The following PGAM4 variants were observed in gnomAD, a reference collection of about 807,000 sequenced individuals.
PGAM4 encodes phosphoglycerate mutase 4.
Under a neutral mutation model 10.8 loss-of-function variants are expected in PGAM4, and 7 were observed. That is an observed-to-expected ratio of 0.65 (90% CI 0.37 to 1.21). PGAM4 has a LOEUF of 1.21. Among genes scored for constraint, PGAM4 ranks in the 50% most tolerant of loss-of-function variants. PGAM4 has a pLI of 0.02. For missense variants in PGAM4, 146 were observed against 214.1 expected (o/e 0.68, Z 1.98); for synonymous variants, 55 against 90.3 (o/e 0.61, Z 2.22).
Position 77,968,845 on chromosome X carries a change from C to T in PGAM4, c.*29G>A, listed in dbSNP as rs1557229122. On this transcript the variant is annotated 3_prime_UTR_variant, in exon 1 of 1. Transcript: ENST00000458128. Reference sequence around the variant, plus strand: ...GGACAAGACCAGCAGGGAGGGTGCTCCTGGGGACAGTATCCTCCCCGCTGG... The same window carrying T: ...GGACAAGACCAGCAGGGAGGGTGCTTCTGGGGACAGTATCCTCCCCGCTGG... 2 of 1,208,235 alleles carry T rather than the reference C, an allele frequency of 1.7e-6. No individual in the cohort carries two copies. The highest frequency in any genetic ancestry group is 3.0e-5 in the East Asian group (1 of 33,755).
rs781790080 is a variant in PGAM4, at chrX:77,969,572, T to G, written c.67A>C (p.Ser23Arg). 3.3e-6 allele frequency: 4 copies of G among 1,210,555 alleles called. No homozygotes were observed. In the Admixed American group the frequency reaches 6.5e-5, roughly 20 times the overall value. ...CTCAGATCGGCGTCGTACCAGCAGC[T>G]GAAGCGGTTCTCCAGGTTCCATGTG... ...ESTWNLENRF[S>R]CWYDADLSPA... The change falls in exon 1 of 1, where the codon AGC (serine) becomes CGC (arginine). Residue 23 changes from serine to arginine, a missense_variant. Transcript: ENST00000458128.
In PGAM4 at chrX:77,969,560, C is replaced by G. The variant is rs191844393; in HGVS notation, c.79G>C (p.Asp27His). 2 of 1,211,885 alleles carry G rather than the reference C, an allele frequency of 1.7e-6. No individual in the cohort carries two copies. The highest frequency in any genetic ancestry group is 3.5e-5 in the South Asian group (2 of 57,006). ...TGGCCCGCCGGGCTCAGATCGGCGT[C>G]GTACCAGCAGCTGAAGCGGTTCTCC... ...NLENRFSCWY[D>H]ADLSPAGHEE... The change falls in exon 1 of 1, where the codon GAC becomes CAC. Residue 27 changes from aspartate (D) to histidine (H), a missense_variant. Asp to His is a moderately conservative substitution (Grantham distance 81, BLOSUM62 -1). Transcript: ENST00000458128.
Position 77,968,834 on chromosome X carries a change from G to T in PGAM4, c.*40C>A. On this transcript the variant is annotated 3_prime_UTR_variant, in exon 1 of 1. Transcript: ENST00000458128. ...GAGGGGCAGAGGGACAAGACCAGCAGGGAGGGTGCTCCTGGGGACAGTATC... is the reference window on the plus strand; with the variant it reads ...GAGGGGCAGAGGGACAAGACCAGCATGGAGGGTGCTCCTGGGGACAGTATC... The T allele has an allele frequency of 8.3e-7, 1 of 1,209,155 alleles. No individual in the cohort carries two copies. Among genetic ancestry groups the T allele is most frequent in the Non-Finnish European group, 1.1e-6 (1 of 894,587 alleles).
Position 77,969,543 on chromosome X carries a change from C to T in PGAM4, c.96G>A (p.Pro32=). 8 of 1,211,589 alleles carry T rather than the reference C, an allele frequency of 6.6e-6. No individual in the cohort carries two copies. The highest frequency in any genetic ancestry group is 1.8e-5 in the South Asian group (1 of 56,997). Reference sequence around the variant, plus strand: ...CGCGCTTCGCCTCCTCGTGGCCCGCCGGGCTCAGATCGGCGTCGTACCAGC... The same window carrying T: ...CGCGCTTCGCCTCCTCGTGGCCCGCTGGGCTCAGATCGGCGTCGTACCAGC... ...FSCWYDADLS[P]AGHEEAKRGG... is the part of the protein sequence containing the mutation. Residue 32 remains proline (P), a synonymous_variant, in exon 1 of 1, where the codon CCG becomes CCA. Transcript: ENST00000458128.
chrX:77,969,326 C>A lies in PGAM4; in HGVS notation c.313G>T (p.Ala105Ser). The change falls in exon 1 of 1, where the codon GCA becomes TCA. Residue 105 changes from alanine to serine, a missense_variant. Transcript: ENST00000458128. ...TTCACCTGGGCCTCACCATGCTTTG[C>A]AGCAGTTTCTGCTTTATTGAGACCG... is the stretch of plus-strand genomic sequence containing the variant. The part of the protein sequence containing the change: ...LTGLNKAETA[A>S]KHGEAQVKIW... 1 of 1,211,679 alleles carries A rather than the reference C, an allele frequency of 8.3e-7. No homozygotes were observed. Among genetic ancestry groups the A allele is most frequent in the Non-Finnish European group, 1.1e-6 (1 of 895,478 alleles).
rs1177553917 is a variant in PGAM4, at chrX:77,968,871, C to A, written c.*3G>T. The stretch of plus-strand genomic sequence containing the variant: ...CTGGGGACAGTATCCTCCCCGCTGG[C>A]CTTCACTTCTTGGCCTTGCCCTGGG... On this transcript the variant is annotated 3_prime_UTR_variant, in exon 1 of 1. Coordinates refer to ENST00000458128, the MANE Select transcript of PGAM4 (RefSeq NM_001029891.3). The A allele has an allele frequency of 7.4e-6, 9 of 1,208,807 alleles. No individual in the cohort carries two copies. The highest frequency in any genetic ancestry group is 1.7e-5 in the African/African-American group (1 of 57,205).
chrX:77,969,214 T>C lies in PGAM4; in HGVS notation c.425A>G (p.Tyr142Cys), dbSNP rs2077528975. 1 of 1,210,427 alleles carries C rather than the reference T, an allele frequency of 8.3e-7. No individual in the cohort carries two copies. Among genetic ancestry groups the C allele is most frequent in the Non-Finnish European group, 1.1e-6 (1 of 895,305 alleles). The stretch of plus-strand genomic sequence containing the variant: ...TAGCTGATCTTCTGTGAGGTCTGCA[T>C]ACCTGCGATCCTTACTGATGTTGCT... ...FYSNISKDRR[Y>C]ADLTEDQLPS... Residue 142 changes from tyrosine (Y) to cysteine (C), a missense_variant, in exon 1 of 1, where the codon TAT (tyrosine) becomes TGT (cysteine). Physicochemically the swap from Tyr to Cys is radical, Grantham distance 194. Transcript: ENST00000458128.
Position 77,967,970 on chromosome X carries a change from C to A in PGAM4, c.*904G>T, listed in dbSNP as rs1343491534. Among the ~76,000 whole-genome samples the A allele has an allele frequency of 1.8e-5, 2 of 110,768 alleles. No homozygotes were observed. Among genetic ancestry groups the A allele is most frequent in the African/African-American group, 3.3e-5 (1 of 30,383 alleles). ...ATACTTTTTTTTTTTAATTGCACAT[C>A]ACTCCTTTATTATACTGATCTGGTA... On this transcript the variant is annotated 3_prime_UTR_variant, in exon 1 of 1. Transcript: ENST00000458128.
Position 77,969,256 on chromosome X carries a change from G to A in PGAM4, c.383C>T (p.Pro128Leu). 2 of 1,211,655 alleles carry A rather than the reference G, an allele frequency of 1.7e-6. No individual in the cohort carries two copies. Among genetic ancestry groups the A allele is most frequent in the East Asian group, 5.9e-5 (2 of 33,834 alleles). Residue 128 changes from proline to leucine, a missense_variant, in exon 1 of 1, where the codon CCC (proline) becomes CTC (leucine). Transcript: ENST00000458128. ...SYDVPPPPME[P>L]DHPFYSNISK... ...GATGTTGCTGTAGAAAGGATGGTCG[G>A]GCTCCATCGGAGGTGGTGGGACATC...
Position 77,968,041 on chromosome X carries a change from G to T in PGAM4, c.*833C>A, listed in dbSNP as rs1410032097. ...GCTCAGATGAACACTGGGCCCATGTGGCAGGGTCAAGCAACTAGAACATGA... is the reference window on the plus strand; with the variant it reads ...GCTCAGATGAACACTGGGCCCATGTTGCAGGGTCAAGCAACTAGAACATGA... On this transcript the variant is annotated 3_prime_UTR_variant, in exon 1 of 1. Coordinates refer to ENST00000458128, the MANE Select transcript of PGAM4 (RefSeq NM_001029891.3). Among the ~76,000 whole-genome samples, 5 of 110,732 alleles carry T rather than the reference G, an allele frequency of 4.5e-5. No individual in the cohort carries two copies. The highest frequency in any genetic ancestry group is 1.3e-4 in the African/African-American group (4 of 30,417).
Position 77,968,897 on chromosome X carries a change from C to A in PGAM4, c.742G>T (p.Ala248Ser). ...CTTCACTTCTTGGCCTTGCCCTGGGCAGCCACAGCTTCTATGGCTTTGCAC... is the reference window on the plus strand; with the variant it reads ...CTTCACTTCTTGGCCTTGCCCTGGGAAGCCACAGCTTCTATGGCTTTGCAC... ...TVCKAIEAVA[A>S]QGKAKK The change falls in exon 1 of 1, where the codon GCC becomes TCC. Residue 248 changes from alanine (A) to serine (S), a missense_variant. Transcript: ENST00000458128. The A allele has an allele frequency of 8.3e-7, 1 of 1,210,559 alleles. No individual in the cohort carries two copies. The highest frequency in any genetic ancestry group is 1.1e-6 in the Non-Finnish European group (1 of 895,534).
Position 77,969,180 on chromosome X carries a change from A to G in PGAM4, c.459T>C (p.Tyr153=). Residue 153 remains tyrosine (Y), a synonymous_variant, in exon 1 of 1, where the codon TAT becomes TAC. Coordinates refer to ENST00000458128, the MANE Select transcript of PGAM4 (RefSeq NM_001029891.3). ...TGGCAATAGTATCCTTCGGACTCTC[A>G]TAGGAGGGTAGCTGATCTTCTGTGA... ...ADLTEDQLPS[Y]ESPKDTIARA... 2 of 1,209,722 alleles carry G rather than the reference A, an allele frequency of 1.7e-6. No individual in the cohort carries two copies.
In PGAM4 at chrX:77,968,473, A is replaced by G. The variant is rs782808962; in HGVS notation, c.*401T>C. Among the ~76,000 whole-genome samples, 14 of 112,071 alleles carry G rather than the reference A, an allele frequency of 1.2e-4. 1 individual carries two copies. In the South Asian group the frequency reaches 5.2e-3, roughly 42 times the overall value. On this transcript the variant is annotated 3_prime_UTR_variant, in exon 1 of 1. Transcript: ENST00000458128. The stretch of plus-strand genomic sequence containing the variant: ...AGCCCCCAGGCAGTGGCCTGACTGC[A>G]GAAGAGCAGAGGACAGACTCTGCTC...
Position 77,968,088 on chromosome X carries a change from C to CA in PGAM4, c.*785dup, listed in dbSNP as rs782304969. ...ATGATTCAGAAATCAGTGAAAGACACACTTGGACAGGACCAAGAGGCATTT... is the reference window on the plus strand; with the variant it reads ...ATGATTCAGAAATCAGTGAAAGACACAACTTGGACAGGACCAAGAGGCATTT... On this transcript the variant is annotated 3_prime_UTR_variant, in exon 1 of 1. Coordinates refer to ENST00000458128, the MANE Select transcript of PGAM4 (RefSeq NM_001029891.3). 9.0e-6 allele frequency among the ~76,000 whole-genome samples: 1 copy of CA among 110,679 alleles called. No homozygotes were observed. Among genetic ancestry groups the CA allele is most frequent in the East Asian group, 2.8e-4 (1 of 3,539 alleles).
In PGAM4 at chrX:77,969,162, A is replaced by C; in HGVS notation, c.477T>G (p.Thr159=). 1 of 1,211,607 alleles carries C rather than the reference A, an allele frequency of 8.3e-7. No individual in the cohort carries two copies. Among genetic ancestry groups the C allele is most frequent in the Admixed American group, 2.2e-5 (1 of 46,025 alleles). ...QLPSYESPKD[T]IARALPFWNE... ...TCCAGAAGGGCAGAGCTCTGGCAAT[A>C]GTATCCTTCGGACTCTCATAGGAGG... Residue 159 remains threonine, a synonymous_variant, in exon 1 of 1, where the codon ACT becomes ACG. Transcript: ENST00000458128.
At position 77,969,106 on chromosome X, in the gene PGAM4, C is replaced by G. The variant is rs1557229196; in HGVS notation, c.533G>C (p.Gly178Ala). 7 of 1,211,656 alleles carry G rather than the reference C, an allele frequency of 5.8e-6. No individual in the cohort carries two copies. The East Asian group carries it at 1.5e-4, about 26-fold the overall frequency. The change falls in exon 1 of 1, where the codon GGG (glycine) becomes GCG (alanine). Residue 178 changes from glycine (G) to alanine (A), a missense_variant. Coordinates refer to ENST00000458128, the MANE Select transcript of PGAM4 (RefSeq NM_001029891.3). ...NEEIVPQIKE[G>A]KRVLIAAHGN... ...ATGGGCTGCAATCAGTACACGTTTC[C>G]CCTCCTTGATCTGGGGAACTATTTC... is the stretch of plus-strand genomic sequence containing the variant.
rs1286901693 is a variant in PGAM4 at position 77,968,139 on chromosome X, G to A, written c.*735C>T. Among the ~76,000 whole-genome samples, 1 of 109,783 alleles carries A rather than the reference G, an allele frequency of 9.1e-6. No homozygotes were observed. The highest frequency in any genetic ancestry group is 1.9e-5 in the Non-Finnish European group (1 of 52,659). ...CACTGCCATGAAACAAGGCAGGAAG[G>A]GATTCTAATACACACACCAGGAAGC... On this transcript the variant is annotated 3_prime_UTR_variant, in exon 1 of 1. Coordinates refer to ENST00000458128, the MANE Select transcript of PGAM4 (RefSeq NM_001029891.3).
rs1557229143 is a variant in PGAM4, at chrX:77,968,937, C to A, written c.702G>T (p.Gly234=). Residue 234 remains glycine (G), a synonymous_variant, in exon 1 of 1, where the codon GGG becomes GGT. Coordinates refer to ENST00000458128, the MANE Select transcript of PGAM4 (RefSeq NM_001029891.3). ...LKPIKPMQFL[G]DEETVCKAIE... ...TGGCTTTGCACACCGTCTCTTCATC[C>A]CCCAGAAACTGCATGGGCTTGATAG... The A allele has an allele frequency of 8.3e-7, 1 of 1,208,887 alleles. No homozygotes were observed. The highest frequency in any genetic ancestry group is 1.8e-5 in the African/African-American group (1 of 57,119).
In PGAM4 at chrX:77,968,806, T is replaced by A. The variant is rs2077524909; in HGVS notation, c.*68A>T. The A allele has an allele frequency of 1.7e-6, 2 of 1,186,880 alleles. No individual in the cohort carries two copies. The highest frequency in any genetic ancestry group is 2.3e-6 in the Non-Finnish European group (2 of 878,396). On this transcript the variant is annotated 3_prime_UTR_variant, in exon 1 of 1. Transcript: ENST00000458128. ...ATGTGGTCAGTGTGACATGTGCAGG[T>A]GGGAGGGGCAGAGGGACAAGACCAG...
Sources: allele counts gnomAD v4.1 joint callset (sites outside exome capture counted in the v4.1 genomes callset), GRCh38; gene constraint gnomAD v4.1.1; transcripts MANE v1.5; gene names NCBI Gene and HGNC (gene_info 2026-07-23, HGNC 2026-07-21).